CALN1: variants seen among roughly 807,000 people sequenced by gnomAD.
The protein encoded by CALN1 is calcium-binding protein 8.
A neutral mutation model predicts 30.6 loss-of-function variants in CALN1; 17 were observed. The observed-to-expected ratio is 0.56, with a 90% confidence interval of 0.38 to 0.83. The LOEUF is 0.83. Ranked by LOEUF, CALN1 falls within the 40% of genes least tolerant of loss-of-function variation. CALN1 has a pLI of 0.00. For missense variants in CALN1, 291 were observed against 354.9 expected (o/e 0.82, Z 1.45); for synonymous variants, 156 against 131.4 (o/e 1.19, Z -1.28).
At chr7:71,896,400 A>G (rs1793534038) in intron 5 of CALN1, among the ~76,000 whole-genome samples, 1 of 152,216 alleles carries the variant, frequency 6.6e-6, no homozygotes, top group Non-Finnish European at 1.5e-5. Context: ...CTCATGTTTA[A>G]TAAAAGATTA....
intron 4 of CALN1, among the ~76,000 whole-genome samples, chr7:72,034,064 G>A (rs1562995342): frequency 6.6e-6 from 1 of 152,004 alleles, no homozygotes; most frequent in Admixed American, 6.6e-5. Context: ...AACTAATTAG[G>A]AACAACAGGC....
intron 5 of CALN1, among the ~76,000 whole-genome samples, chr7:71,942,760 A>C (rs2129522933): frequency 6.6e-6 from 1 of 152,256 alleles, no homozygotes; most frequent in South Asian, 2.1e-4. Context: ...TGTAGTACGA[A>C]AGGAAAATAT....
At chr7:72,263,477 C>T (rs1028981168) in intron 3 of CALN1, among the ~76,000 whole-genome samples, 2 of 152,048 alleles carry the variant, frequency 1.3e-5, no homozygotes, top group Non-Finnish European at 1.5e-5. Flanking sequence ...CTCTCTGGAG[C>T]CTCAAATTCC....
chr7:72,368,786 A>G (rs540725547), intron 2 of CALN1, among the ~76,000 whole-genome samples: 8 of 150,974 alleles, frequency 5.3e-5, no homozygotes, highest in Non-Finnish European at 1.0e-4. Flanking sequence ...TGATTTCACC[A>G]TCACAGAGAA....
intron 3 of CALN1, among the ~76,000 whole-genome samples, chr7:72,222,172 G>A (rs1188187662): frequency 1.3e-5 from 2 of 152,024 alleles, no homozygotes; most frequent in Non-Finnish European, 2.9e-5. Context: ...ATTGCAGTGA[G>A]CTTAGACTGT....
chr7:72,386,451 G>T (rs1026554157), intron 2 of CALN1, among the ~76,000 whole-genome samples: 2 of 152,284 alleles, frequency 1.3e-5, no homozygotes, highest in South Asian at 4.1e-4. Context: ...TGTCTCCTAT[G>T]GGTAAATTGG....
the CALN1 span, among the ~76,000 whole-genome samples, chr7:72,483,560 C>T: frequency 6.6e-6 from 1 of 152,178 alleles, no homozygotes; most frequent in Non-Finnish European, 1.5e-5. Context: ...GCTGGGATTA[C>T]AGGCGTGAGC....
chr7:72,480,442 T>A, the CALN1 span, among the ~76,000 whole-genome samples: 43,407 of 152,104 alleles, frequency 0.29, 7,318 homozygotes, highest in African/African-American at 0.46. Flanking sequence ...ATTTATATAC[T>A]TGCGGGATAT....
At chr7:72,297,564 A>C (rs900039538) in intron 2 of CALN1, among the ~76,000 whole-genome samples, 2 of 152,246 alleles carry the variant, frequency 1.3e-5, no homozygotes, top group Non-Finnish European at 2.9e-5. Context: ...CGAAAACAAG[A>C]TGATTTAATA....
chr7:71,813,182 A>AG (rs1020525437), intron 5 of CALN1, among the ~76,000 whole-genome samples: 1 of 30,636 alleles, frequency 3.3e-5, no homozygotes, highest in African/African-American at 1.5e-4. Flanking sequence ...AGAAGCTGGG[A>AG]TTATAGGCAT....
At chr7:72,171,777 A>G (rs1044139825) in intron 3 of CALN1, among the ~76,000 whole-genome samples, 5 of 152,168 alleles carry the variant, frequency 3.3e-5, no homozygotes, top group African/African-American at 1.2e-4. Context: ...TATTTTAGAG[A>G]TCAGTAAACT....
At chr7:71,829,093 T>A (rs886255180) in intron 5 of CALN1, among the ~76,000 whole-genome samples, 5 of 152,150 alleles carry the variant, frequency 3.3e-5, no homozygotes, top group African/African-American at 1.2e-4. Flanking sequence ...AAAACCAAGC[T>A]GTGCCCCAAC....
At chr7:72,052,845 G>C (rs1479081932) in intron 4 of CALN1, among the ~76,000 whole-genome samples, 1 of 152,178 alleles carries the variant, frequency 6.6e-6, no homozygotes, top group Non-Finnish European at 1.5e-5. Flanking sequence ...GAACTTAGAG[G>C]GTGGCCAGGT....
chr7:71,821,052 T>C (rs1788557462), intron 5 of CALN1, among the ~76,000 whole-genome samples: 1 of 152,162 alleles, frequency 6.6e-6, no homozygotes, highest in Admixed American at 6.5e-5. Flanking sequence ...ATGCATTCTT[T>C]GAAGGTTCCT....
At chr7:72,190,841 T>C (rs1790543653) in intron 3 of CALN1, among the ~76,000 whole-genome samples, 1 of 85,028 alleles carries the variant, frequency 1.2e-5, no homozygotes, top group Admixed American at 1.4e-4. Flanking sequence ...CATCGATTTA[T>C]TATTATTTTT....
intron 1 of CALN1, among the ~76,000 whole-genome samples, chr7:72,437,940 CCCTT>C (rs142091881): frequency 2.2e-4 from 32 of 146,030 alleles, no homozygotes; most frequent in African/African-American, 7.2e-4. Context: ...TTCCCTCTCT[CCCTT>C]CCTTCCTTCC....
At chr7:71,866,687 T>C (rs765408750) in intron 5 of CALN1, among the ~76,000 whole-genome samples, 46 of 152,246 alleles carry the variant, frequency 3.0e-4, no homozygotes, top group Admixed American at 5.9e-4. Context: ...AATCTAGAGA[T>C]GGTCCAGGTA....
chr7:71,884,151 G>A (rs1448064474), intron 5 of CALN1, among the ~76,000 whole-genome samples: 2 of 152,124 alleles, frequency 1.3e-5, no homozygotes, highest in African/African-American at 4.8e-5. Context: ...CTGACCTCAT[G>A]ATCTGTCCCC....
At chr7:71,838,966 A>G (rs1375546592) in intron 5 of CALN1, among the ~76,000 whole-genome samples, 4 of 152,020 alleles carry the variant, frequency 2.6e-5, no homozygotes, top group African/African-American at 9.7e-5. Context: ...GACTAATACA[A>G]CCTGCCTGAT....
Sources: allele counts gnomAD v4.1 joint callset (sites outside exome capture counted in the v4.1 genomes callset), GRCh38; gene constraint gnomAD v4.1.1; transcripts MANE v1.5; gene names NCBI Gene and HGNC (gene_info 2026-07-23, HGNC 2026-07-21).